MYO1D: variants seen among roughly 807,000 people sequenced by gnomAD.
MYO1D encodes the protein unconventional myosin-Id.
In MYO1D, 83 loss-of-function variants were observed where a neutral mutation model predicts 122.0. That is an observed-to-expected ratio of 0.68 (90% CI 0.57 to 0.82). MYO1D has a LOEUF of 0.82. Ranked by LOEUF, MYO1D falls within the 40% of genes least tolerant of loss-of-function variation. The pLI is 0.00. For missense variants in MYO1D, 1,157 were observed against 1,269.5 expected (o/e 0.91, Z 1.35); for synonymous variants, 464 against 446.9 (o/e 1.04, Z -0.48).
At chr17:32,579,011 C>T (rs1410726603) in intron 21 of MYO1D, among the ~76,000 whole-genome samples, 2 of 152,192 alleles carry the variant, frequency 1.3e-5, no homozygotes, top group Non-Finnish European at 2.9e-5. Context: ...GATCTTGCCA[C>T]TCTGGACTAC....
chr17:32,789,377 C>A (rs1567643440), intron 1 of MYO1D, among the ~76,000 whole-genome samples: 1 of 152,068 alleles, frequency 6.6e-6, no homozygotes, highest in Non-Finnish European at 1.5e-5. Context: ...AACTTTTCCC[C>A]ATTCAGTATG....
Position 32,763,582 on chromosome 17 carries a change from T to C in MYO1D, c.1035+1296A>G, listed in dbSNP as rs114494599. ...ACTAGTAATGAAATAAAAGTAACAA[T>C]AAAATATTACCATGCAGCCATAAAA... On this transcript the variant is annotated intron_variant, in intron 8 of 21. Transcript: ENST00000318217. Among the ~76,000 whole-genome samples, 609 of 152,190 alleles carry C rather than the reference T, an allele frequency of 4.0e-3. 3 individuals carry two copies. Among genetic ancestry groups the C allele is most frequent in the African/African-American group, 0.013 (559 of 41,510 alleles).
intron 21 of MYO1D, among the ~76,000 whole-genome samples, chr17:32,575,228 T>A (rs1177562328): frequency 6.6e-6 from 1 of 152,206 alleles, no homozygotes; most frequent in Non-Finnish European, 1.5e-5. Flanking sequence ...ATAAAGCTAC[T>A]TTTGGCCCAG....
At chr17:32,754,756 G>A (rs1000329771) in intron 11 of MYO1D, among the ~76,000 whole-genome samples, 1 of 152,196 alleles carries the variant, frequency 6.6e-6, no homozygotes, top group Non-Finnish European at 1.5e-5. Context: ...GGGTAGGGAA[G>A]TCTCAGGGGC....
intron 16 of MYO1D, among the ~76,000 whole-genome samples, chr17:32,695,099 C>A (rs1332303553): frequency 1.3e-5 from 2 of 150,580 alleles, no homozygotes; most frequent in African/African-American, 2.5e-5. Flanking sequence ...GGTCTTGAAC[C>A]TTTTTGACAT....
At chr17:32,643,591 T>C (rs540742046) in intron 19 of MYO1D, among the ~76,000 whole-genome samples, 11 of 152,348 alleles carry the variant, frequency 7.2e-5, no homozygotes, top group Non-Finnish European at 1.5e-4. Flanking sequence ...ATTGCCTCAA[T>C]TTCAGATCCT....
chr17:32,685,127 C>G (rs761465281), intron 16 of MYO1D, among the ~76,000 whole-genome samples: 35 of 151,912 alleles, frequency 2.3e-4, no homozygotes, highest in Non-Finnish European at 8.8e-5. Context: ...ACCTAGAAAG[C>G]AATAAACGCT....
intron 21 of MYO1D, among the ~76,000 whole-genome samples, chr17:32,555,022 C>T (rs73276376): frequency 5.3e-4 from 80 of 152,176 alleles, no homozygotes; most frequent in African/African-American, 1.8e-3. Context: ...TTTTTGACCC[C>T]GCAACTCTGT....
intron 16 of MYO1D, among the ~76,000 whole-genome samples, chr17:32,671,168 C>G (rs1051590323): frequency 2.6e-5 from 4 of 152,246 alleles, no homozygotes; most frequent in African/African-American, 9.6e-5. Flanking sequence ...CTTTGGGGCT[C>G]TGGAGTCATA....
At chr17:32,599,000 G>T (rs1337800270) in intron 21 of MYO1D, among the ~76,000 whole-genome samples, 4 of 152,174 alleles carry the variant, frequency 2.6e-5, no homozygotes, top group African/African-American at 4.8e-5. Flanking sequence ...TACTGATCAG[G>T]GTGGTGGTTG....
chr17:32,540,458 A>T (rs754655941), intron 21 of MYO1D, among the ~76,000 whole-genome samples: 11 of 152,138 alleles, frequency 7.2e-5, no homozygotes, highest in Non-Finnish European at 1.2e-4. Context: ...AATAATAAAA[A>T]GACAGCCCAG....
chr17:32,831,889 A>G (rs1043668838), intron 1 of MYO1D, among the ~76,000 whole-genome samples: 2 of 152,166 alleles, frequency 1.3e-5, no homozygotes, highest in African/African-American at 2.4e-5. Flanking sequence ...GTCATTACAC[A>G]TAAGGGCAAG....
chr17:32,870,738 G>A (rs896414606), intron 1 of MYO1D, among the ~76,000 whole-genome samples: 3 of 151,926 alleles, frequency 2.0e-5, no homozygotes, highest in Non-Finnish European at 4.4e-5. Flanking sequence ...CACAGAAAAC[G>A]CAAAAGGATT....
chr17:32,727,393 G>A (rs12453597), intron 14 of MYO1D, among the ~76,000 whole-genome samples: 103,977 of 152,108 alleles, frequency 0.68, 35,802 homozygotes, highest in Middle Eastern at 0.77. Context: ...ACCTAATACA[G>A]GAGTCACTAA....
chr17:32,788,713 T>G (rs1258886883), intron 1 of MYO1D, among the ~76,000 whole-genome samples: 1 of 152,238 alleles, frequency 6.6e-6, no homozygotes, highest in East Asian at 1.9e-4. Context: ...TTTTTTTGCT[T>G]AGTCTTGCTT....
chr17:32,568,911 GTCA>G (rs1271164642), intron 21 of MYO1D, among the ~76,000 whole-genome samples: 1 of 152,198 alleles, frequency 6.6e-6, no homozygotes. Flanking sequence ...ACTGGACACA[GTCA>G]TCATTTGTTT....
At chr17:32,593,393 C>T (rs996212439) in intron 21 of MYO1D, among the ~76,000 whole-genome samples, 3 of 152,154 alleles carry the variant, frequency 2.0e-5, no homozygotes, top group African/African-American at 7.2e-5. Context: ...TTCTGAGGCT[C>T]GTTTGTCTGC....
chr17:32,817,336 A>G (rs2151054707), intron 1 of MYO1D, among the ~76,000 whole-genome samples: 1 of 152,360 alleles, frequency 6.6e-6, no homozygotes, highest in African/African-American at 2.4e-5. Flanking sequence ...TTGCTGAGTA[A>G]CAGGAAAACA....
intron 1 of MYO1D, among the ~76,000 whole-genome samples, chr17:32,824,174 T>A (rs528722700): frequency 2.6e-5 from 4 of 151,428 alleles, no homozygotes; most frequent in Non-Finnish European, 1.5e-5. Flanking sequence ...TATAAAACCA[T>A]TAAAAGCAAG....
Sources: allele counts gnomAD v4.1 joint callset (sites outside exome capture counted in the v4.1 genomes callset), GRCh38; gene constraint gnomAD v4.1.1; transcripts MANE v1.5; gene names NCBI Gene and HGNC (gene_info 2026-07-23, HGNC 2026-07-21).